The following HOOK3 variants were observed in gnomAD, a reference collection of about 807,000 sequenced individuals.
The protein encoded by HOOK3 is protein Hook homolog 3.
In HOOK3, 24 loss-of-function variants were observed where a neutral mutation model predicts 116.3. That is an observed-to-expected ratio of 0.21 (90% CI 0.15 to 0.29). The LOEUF is 0.29. HOOK3 is among the 10% of genes least tolerant of loss of function. HOOK3 has a pLI of 1.00. For synonymous variants in HOOK3, 275 were observed against 283.0 expected (o/e 0.97, Z 0.28); for missense variants, 632 against 830.2 (o/e 0.76, Z 2.93).
At chr8:43,007,130 G>A (rs535898617) in intron 17 of HOOK3, among the ~76,000 whole-genome samples, 27 of 146,522 alleles carry the variant, frequency 1.8e-4, no homozygotes, top group African/African-American at 6.4e-4. Flanking sequence ...AGGTTCAAGC[G>A]ATTCTCCCTC....
chr8:42,928,464 A>T (rs1285479549), intron 3 of HOOK3, among the ~76,000 whole-genome samples: 1 of 151,882 alleles, frequency 6.6e-6, no homozygotes, highest in Non-Finnish European at 1.5e-5. Flanking sequence ...AAAAAAAAAG[A>T]TTATTTTTTA....
In HOOK3 at chr8:43,023,727, C is replaced by G. The variant is rs1228489985; in HGVS notation, c.*5229C>G. The G allele has an allele frequency of 1.6e-5, 3 of 185,944 alleles. No homozygotes were observed. Among genetic ancestry groups the G allele is most frequent in the African/African-American group, 7.0e-5 (3 of 42,688 alleles). The allele number at this position is 185,944 out of a possible 1,614,324, so 11.5% of individuals were successfully genotyped here. A position where few individuals can be genotyped will look rare whatever the true frequency, so the allele number is the denominator to read the frequency against. On this transcript the variant is annotated 3_prime_UTR_variant, in exon 22 of 22. Coordinates refer to ENST00000307602, the MANE Select transcript of HOOK3 (RefSeq NM_032410.4). ...CCGTCCACCTTGGCCTCCCAAAGTG[C>G]TGGGATTACAGGCGTGTGTTACTGC...
intron 11 of HOOK3, among the ~76,000 whole-genome samples, chr8:42,970,520 C>G (rs1808706995): frequency 6.6e-6 from 1 of 152,068 alleles, no homozygotes; most frequent in Non-Finnish European, 1.5e-5. Flanking sequence ...TCTTCCATGT[C>G]TTTGGGTTAA....
At chr8:42,987,823 G>GT (rs907139496) in intron 15 of HOOK3, among the ~76,000 whole-genome samples, 22 of 150,898 alleles carry the variant, frequency 1.5e-4, no homozygotes, top group Admixed American at 4.0e-4. Context: ...CAAACATACA[G>GT]TTTTTTTTTC....
intron 21 of HOOK3, among the ~76,000 whole-genome samples, chr8:43,016,697 A>T (rs577709789): frequency 6.6e-6 from 1 of 152,264 alleles, no homozygotes; most frequent in Admixed American, 6.5e-5. Context: ...TAAATAAAAT[A>T]CAAATTTTTA....
At chr8:43,000,297 A>C in intron 16 of HOOK3, 1 of 1,279,830 alleles carries the variant, frequency 7.8e-7, no homozygotes. Context: ...CTTCCTTTTC[A>C]TTTTTATATA....
chr8:43,004,366 C>CA (rs1385118465), intron 17 of HOOK3, among the ~76,000 whole-genome samples: 7,761 of 83,536 alleles, frequency 0.093, 343 homozygotes, highest in African/African-American at 0.17. Flanking sequence ...GACTCTGTCT[C>CA]AAAAAAAAAA....
At chr8:42,910,917 C>G (rs140857494) in intron 2 of HOOK3, among the ~76,000 whole-genome samples, 2 of 152,102 alleles carry the variant, frequency 1.3e-5, no homozygotes, top group Admixed American at 1.3e-4. Flanking sequence ...ATTTTTAACT[C>G]GGTTTAGGAG....
Position 42,909,852 on chromosome 8 carries a change from C to G in HOOK3, c.143+3594C>G, listed in dbSNP as rs546678739. On this transcript the variant is annotated intron_variant, in intron 2 of 21. Coordinates refer to ENST00000307602, the MANE Select transcript of HOOK3 (RefSeq NM_032410.4). ...AGTAAATAAGCCAGGGACAGAAAGA[C>G]AAACACCATCTCACTTATGTGGAAT... Among the ~76,000 whole-genome samples the G allele has an allele frequency of 2.6e-5, 4 of 152,324 alleles. No homozygotes were observed. The South Asian group carries it at 8.3e-4, about 32-fold the overall frequency.
At chr8:42,950,313 T>A in intron 5 of HOOK3, 75 bp from the exon 6 acceptor site, 2 of 922,814 alleles carry the variant, frequency 2.2e-6, no homozygotes, top group Non-Finnish European at 3.5e-6. Flanking sequence ...TATAAGAATT[T>A]ATGAAGTATG....
chr8:42,912,468 G>C (rs761491075), intron 2 of HOOK3, among the ~76,000 whole-genome samples: 1 of 152,186 alleles, frequency 6.6e-6, no homozygotes, highest in Non-Finnish European at 1.5e-5. Context: ...GTGGAAAAGA[G>C]TTTCAATATG....
intron 6 of HOOK3, among the ~76,000 whole-genome samples, chr8:42,954,383 G>C (rs1808398154): frequency 1.3e-5 from 2 of 152,060 alleles, no homozygotes. Context: ...TAAAAACTCA[G>C]ACCAAGACTG....
chr8:42,947,201 T>C (rs571900241), intron 5 of HOOK3, among the ~76,000 whole-genome samples: 1 of 152,344 alleles, frequency 6.6e-6, no homozygotes, highest in Non-Finnish European at 1.5e-5. Flanking sequence ...GATTAGGAGA[T>C]TGGTATACCT....
chr8:42,924,306 G>C lies in HOOK3; in HGVS notation c.144-1251G>C, dbSNP rs577566646. Among the ~76,000 whole-genome samples, 300 of 151,670 alleles carry C rather than the reference G, an allele frequency of 2.0e-3. 2 individuals carry two copies. The highest frequency in any genetic ancestry group is 0.011 in the South Asian group (51 of 4,794). On this transcript the variant is annotated intron_variant, in intron 2 of 21. Coordinates refer to ENST00000307602, the MANE Select transcript of HOOK3 (RefSeq NM_032410.4). Reference sequence around the variant, plus strand: ...GCTCATGCTGGGTTTGAAAAGTTTTGTCCTCCCTCCCTCCCTCCCTCCCTT... The same window carrying C: ...GCTCATGCTGGGTTTGAAAAGTTTTCTCCTCCCTCCCTCCCTCCCTCCCTT...
At chr8:42,941,189 C>T (rs771017383) in intron 4 of HOOK3, among the ~76,000 whole-genome samples, 12 of 150,838 alleles carry the variant, frequency 8.0e-5, no homozygotes, top group Non-Finnish European at 1.3e-4. Flanking sequence ...TCAGGTGATC[C>T]GCCCGCCTTG....
intron 11 of HOOK3, among the ~76,000 whole-genome samples, chr8:42,970,782 CTTTT>C (rs764513803): frequency 3.2e-5 from 3 of 93,892 alleles, no homozygotes; most frequent in African/African-American, 8.7e-5. Flanking sequence ...GAATTTGGGT[CTTTT>C]TTTTTTTTTT....
At chr8:43,016,602 C>T (rs536905178) in intron 21 of HOOK3, among the ~76,000 whole-genome samples, 1 of 152,144 alleles carries the variant, frequency 6.6e-6, no homozygotes, top group East Asian at 1.9e-4. Context: ...TCAGAGAATG[C>T]CCTTGCAATA....
At chr8:43,007,600 G>A (rs576284133) in intron 17 of HOOK3, among the ~76,000 whole-genome samples, 1 of 152,262 alleles carries the variant, frequency 6.6e-6, no homozygotes, top group South Asian at 2.1e-4. Context: ...TAGAAAAAAT[G>A]TATACCCTCT....
At position 43,021,132 on chromosome 8, in the gene HOOK3, AACAGT is replaced by A. The variant is rs1356299425; in HGVS notation, c.*2635_*2639del. 5.2e-6 allele frequency: 1 copy of A among 191,558 alleles called. No homozygotes were observed. The highest frequency in any genetic ancestry group is 1.1e-5 in the Non-Finnish European group (1 of 93,402). The allele number at this position is 191,558 out of a possible 1,614,324, so 11.9% of individuals were successfully genotyped here. A position where few individuals can be genotyped will look rare whatever the true frequency, so the allele number is the denominator to read the frequency against. On this transcript the variant is annotated 3_prime_UTR_variant, in exon 22 of 22. Coordinates refer to ENST00000307602, the MANE Select transcript of HOOK3 (RefSeq NM_032410.4). ...AAAAAAAAAAAAAAAAAAAAAAAAA[AACAGT>A]CTGTGAACTACTCACTGAATGAATT...
Sources: allele counts gnomAD v4.1 joint callset (sites outside exome capture counted in the v4.1 genomes callset), GRCh38; gene constraint gnomAD v4.1.1; transcripts MANE v1.5; gene names NCBI Gene and HGNC (gene_info 2026-07-23, HGNC 2026-07-21).